The following HDAC9 variants were observed in gnomAD, a reference collection of about 807,000 sequenced individuals.
The protein encoded by HDAC9 is histone deacetylase 9, also known as MEF-2 interacting transcription repressor (MITR) protein.
A neutral mutation model predicts 139.4 loss-of-function variants in HDAC9; 41 were observed. That is an observed-to-expected ratio of 0.29 (90% CI 0.23 to 0.38). The LOEUF (loss-of-function observed/expected upper bound fraction) is 0.38, where lower values mean the gene tolerates loss of function less well. Ranked by LOEUF, HDAC9 falls within the 10% of genes least tolerant of loss-of-function variation. HDAC9 has a pLI of 1.00. For synonymous variants in HDAC9, 517 were observed against 476.2 expected (o/e 1.09, Z -1.12); for missense variants, 1,147 against 1,297.0 (o/e 0.88, Z 1.78).
chr7:18,377,418 G>T (rs1785079371), intron 1 of HDAC9, among the ~76,000 whole-genome samples: 1 of 152,104 alleles, frequency 6.6e-6, no homozygotes, highest in African/African-American at 2.4e-5. Flanking sequence ...ACAAAATGTT[G>T]TCAATATTTT....
chr7:18,999,038 A>C lies in HDAC9; in HGVS notation c.*2976A>C, dbSNP rs1786616660. On this transcript the variant is annotated 3_prime_UTR_variant, in exon 26 of 26. Coordinates refer to ENST00000686413, the MANE Select transcript of HDAC9 (RefSeq NM_178425.4). ...TACCATTGCTTAGTAAATGGAAAGA[A>C]CATTGTGAGATGAACTATCTTTAAA... 6.6e-6 allele frequency: 1 copy of C among 152,220 alleles called. No individual in the cohort carries two copies. Among genetic ancestry groups the C allele is most frequent in the African/African-American group, 2.4e-5 (1 of 41,464 alleles). The allele number at this position is 152,220 out of a possible 1,614,324, so 9.4% of individuals were successfully genotyped here.
chr7:18,618,726 G>GTATATATATATA (rs71014394), intron 6 of HDAC9, among the ~76,000 whole-genome samples: 1,832 of 119,674 alleles, frequency 0.015, 77 homozygotes, highest in Non-Finnish European at 0.022. Context: ...ACAGAATTTT[G>GTATATATATATA]TATATATATA....
intron 22 of HDAC9, among the ~76,000 whole-genome samples, chr7:18,929,197 A>G (rs1022328962): frequency 6.6e-6 from 1 of 152,172 alleles, no homozygotes; most frequent in Admixed American, 6.5e-5. Flanking sequence ...CTTCTAAACT[A>G]GAGAAAATAC....
chr7:18,823,670 G>C (rs899690720), intron 17 of HDAC9, among the ~76,000 whole-genome samples: 16 of 152,180 alleles, frequency 1.1e-4, no homozygotes, highest in Non-Finnish European at 1.8e-4. Context: ...CAGTGAGATA[G>C]GCTGGTACTG....
intron 12 of HDAC9, among the ~76,000 whole-genome samples, chr7:18,700,941 C>G (rs1339921583): frequency 6.6e-6 from 1 of 152,136 alleles, no homozygotes; most frequent in Non-Finnish European, 1.5e-5. Flanking sequence ...TGGGAGGGAG[C>G]TACTTAAAAG....
chr7:18,267,399 C>G (rs1298295964), intron 2 of HDAC9, among the ~76,000 whole-genome samples: 3 of 152,050 alleles, frequency 2.0e-5, no homozygotes, highest in Non-Finnish European at 2.9e-5. Flanking sequence ...ACTTATTCCT[C>G]CTATCTAACC....
At chr7:18,745,508 A>G (rs1234710118) in intron 13 of HDAC9, among the ~76,000 whole-genome samples, 1 of 150,470 alleles carries the variant, frequency 6.6e-6, no homozygotes, top group African/African-American at 2.4e-5. Context: ...AAGTTAAGCA[A>G]TGTAATGATT....
At chr7:18,373,178 A>T (rs1292520403) in intron 1 of HDAC9, among the ~76,000 whole-genome samples, 1 of 152,220 alleles carries the variant, frequency 6.6e-6, no homozygotes, top group African/African-American at 2.4e-5. Flanking sequence ...AGTCACAAGT[A>T]TAAGTCTACT....
At chr7:18,464,789 G>T (rs1419266151) in intron 1 of HDAC9, among the ~76,000 whole-genome samples, 1 of 151,892 alleles carries the variant, frequency 6.6e-6, no homozygotes, top group Non-Finnish European at 1.5e-5. Context: ...ATCCTACATA[G>T]AGTGTTTTGA....
At chr7:18,840,085 A>C (rs994523949) in intron 21 of HDAC9, among the ~76,000 whole-genome samples, 11 of 152,092 alleles carry the variant, frequency 7.2e-5, no homozygotes, top group Admixed American at 4.6e-4. Flanking sequence ...GAGTGAATGG[A>C]GGACAATTCC....
intron 1 of HDAC9, among the ~76,000 whole-genome samples, chr7:18,472,426 T>G (rs767192734): frequency 9.2e-5 from 14 of 152,260 alleles, no homozygotes; most frequent in Middle Eastern, 3.4e-3. Flanking sequence ...ATCTCCCACA[T>G]GCGCAACCCC....
In HDAC9 at chr7:18,647,799, C is replaced by T. The variant is rs1787920281; in HGVS notation, c.1050C>T (p.Leu350=). ...TCTCAACACAGGCTTCGAATTCACT[C>T]AAAGAAAAGCAGAAGTGTGAGACGC... ...VPSQLNASNS[L]KEKQKCETQT... The change falls in exon 10 of 26, where the codon CTC becomes CTT. Residue 350 remains leucine (L), a synonymous_variant. Coordinates refer to ENST00000686413, the MANE Select transcript of HDAC9 (RefSeq NM_178425.4). 1 of 1,608,904 alleles carries T rather than the reference C, an allele frequency of 6.2e-7. No individual in the cohort carries two copies. The highest frequency in any genetic ancestry group is 1.1e-5 in the South Asian group (1 of 90,224).
chr7:18,610,278 A>G (rs1468111330), intron 6 of HDAC9, among the ~76,000 whole-genome samples: 2 of 152,118 alleles, frequency 1.3e-5, no homozygotes, highest in Non-Finnish European at 2.9e-5. Flanking sequence ...GAATTTTCCT[A>G]GTGTCCAGCT....
intron 24 of HDAC9, among the ~76,000 whole-genome samples, chr7:18,959,394 T>C (rs189472606): frequency 2.0e-5 from 3 of 152,296 alleles, no homozygotes; most frequent in Admixed American, 2.0e-4. Context: ...CTTTTAAGTG[T>C]CAACCAATTT....
At chr7:18,936,951 T>TA (rs1225919805) in intron 23 of HDAC9, among the ~76,000 whole-genome samples, 1 of 151,514 alleles carries the variant, frequency 6.6e-6, no homozygotes, top group Non-Finnish European at 1.5e-5. Context: ...TATATTGAAG[T>TA]AAAAATGTAT....
At chr7:18,847,937 C>T (rs1033528212) in intron 21 of HDAC9, among the ~76,000 whole-genome samples, 1 of 152,202 alleles carries the variant, frequency 6.6e-6, no homozygotes, top group African/African-American at 2.4e-5. Flanking sequence ...TTCTATCAGA[C>T]TTAACTCGTT....
At chr7:18,406,518 C>T (rs568471211) in intron 1 of HDAC9, among the ~76,000 whole-genome samples, 1 of 152,016 alleles carries the variant, frequency 6.6e-6, no homozygotes, top group Non-Finnish European at 1.5e-5. Context: ...CTCAGCCTCC[C>T]GAGTAGCTGG....
chr7:18,564,134 C>A (rs1048602596), intron 2 of HDAC9, among the ~76,000 whole-genome samples: 2 of 152,024 alleles, frequency 1.3e-5, no homozygotes, highest in East Asian at 3.9e-4. Flanking sequence ...CGCACTCGGC[C>A]AGATTGTAAA....
At position 18,846,559 on chromosome 7, in the gene HDAC9, G is replaced by A. The variant is rs1031068904; in HGVS notation, c.2684+10562G>A. 2.0e-5 allele frequency among the ~76,000 whole-genome samples: 3 copies of A among 152,306 alleles called. No homozygotes were observed. In the Middle Eastern group the frequency reaches 0.01, roughly 518 times the overall value. On this transcript the variant is annotated intron_variant, in intron 21 of 25. Coordinates refer to ENST00000686413, the MANE Select transcript of HDAC9 (RefSeq NM_178425.4). ...ACATCAGAAACAGTATACACGTTTGGCTGGTTTATAAACTGTCACTTTCAG... is the reference window on the plus strand; with the variant it reads ...ACATCAGAAACAGTATACACGTTTGACTGGTTTATAAACTGTCACTTTCAG...
Sources: gnomAD v4.1 joint callset for allele counts (sites outside exome capture counted in the v4.1 genomes callset) on GRCh38, gnomAD v4.1.1 for gene constraint, MANE v1.5 for transcripts, NCBI Gene and HGNC (gene_info 2026-07-23, HGNC 2026-07-21) for gene names.